RNF125: variants seen among roughly 807,000 people sequenced by gnomAD.
RNF125 encodes ring finger protein 125, also known as E3 ubiquitin-protein ligase RNF125.
RNF125 carries 21 observed loss-of-function variants against 26.0 expected under a neutral mutation model. The ratio of observed to expected loss-of-function variants is 0.81; its 90% CI spans 0.57 to 1.16. The LOEUF (loss-of-function observed/expected upper bound fraction) is 1.16, where lower values mean the gene tolerates loss of function less well. Ranked by LOEUF, RNF125 falls within the 50% of genes most tolerant of loss-of-function variation. The probability of loss-of-function intolerance (pLI) is 0.00; values close to 1 mark genes in which losing one functional copy is unlikely to be tolerated. For missense variants in RNF125, 270 were observed against 299.4 expected, an observed-to-expected ratio of 0.90 and a Z score of 0.72; for synonymous variants, 95 against 109.2, an observed-to-expected ratio of 0.87 and a Z score of 0.81.
intron 4 of RNF125, among the ~76,000 whole-genome samples, chr18:32,048,899 T>C (rs1317869902): frequency 6.6e-6 from 1 of 152,182 alleles, no homozygotes; most frequent in Non-Finnish European, 1.5e-5. Flanking sequence ...TGATAGTGAC[T>C]ACTATCACTG....
the RNF125 span, among the ~76,000 whole-genome samples, chr18:32,086,662 A>G: frequency 6.6e-6 from 1 of 152,056 alleles, no homozygotes; most frequent in Non-Finnish European, 1.5e-5. Flanking sequence ...CTGGGATTAC[A>G]GGCTCCTGCC....
chr18:32,038,037 C>G (rs902397406), intron 2 of RNF125, among the ~76,000 whole-genome samples: 1 of 144,746 alleles, frequency 6.9e-6, no homozygotes, highest in Non-Finnish European at 1.5e-5. Context: ...TCTTTGGGTC[C>G]GTGCCATTTT....
rs955730202 is a variant in RNF125, at chr18:32,073,128, T to G, written c.*4744T>G. The G allele has an allele frequency of 2.6e-5, 4 of 152,252 alleles. No individual in the cohort carries two copies. The highest frequency in any genetic ancestry group is 9.6e-5 in the African/African-American group (4 of 41,470). The allele number at this position is 152,252 out of a possible 1,614,324, so 9.4% of individuals were successfully genotyped here. The stretch of plus-strand genomic sequence containing the variant: ...AGAATTTAAAATGTGTGATTCTTTT[T>G]CTTCTGTAAGTATGTATTGCTATGA... On this transcript the variant is annotated 3_prime_UTR_variant, in exon 6 of 6. Transcript: ENST00000217740.
intron 4 of RNF125, among the ~76,000 whole-genome samples, chr18:32,064,882 C>A (rs1430866074): frequency 6.6e-6 from 1 of 152,108 alleles, no homozygotes; most frequent in Non-Finnish European, 1.5e-5. Context: ...TCCTAAGGAA[C>A]TAATCCCCTA....
Position 32,072,866 on chromosome 18 carries a change from GTTC to G in RNF125, c.*4483_*4485del, listed in dbSNP as rs2039544827. The G allele has an allele frequency of 6.6e-6, 1 of 152,138 alleles. No homozygotes were observed. Among genetic ancestry groups the G allele is most frequent in the Admixed American group, 6.6e-5 (1 of 15,254 alleles). The allele number at this position is 152,138 out of a possible 1,614,324, so 9.4% of individuals were successfully genotyped here. A position where few individuals can be genotyped will look rare whatever the true frequency, so the allele number is the denominator to read the frequency against. On this transcript the variant is annotated 3_prime_UTR_variant, in exon 6 of 6. Transcript: ENST00000217740. ...ATTGTGAATCTACACTAAAGATATG[GTTC>G]CAGGCAGACCTCCTTAGAGACCTCC...
chr18:32,050,735 C>T (rs2039315709), intron 4 of RNF125, among the ~76,000 whole-genome samples: 2 of 151,918 alleles, frequency 1.3e-5, no homozygotes, highest in Admixed American at 6.6e-5. Flanking sequence ...TATGAGACCA[C>T]TTTTTTTCTT....
chr18:32,033,861 G>A lies in RNF125; in HGVS notation c.165-3255G>A, dbSNP rs1193491904. ...AAACAAAAAAGTAGAAGGGAAAGGT[G>A]TTTTCCCCACATCAATCCAGCTTCT... On this transcript the variant is annotated intron_variant, in intron 1 of 5. Transcript: ENST00000217740. Among the ~76,000 whole-genome samples, 5 of 151,488 alleles carry A rather than the reference G, an allele frequency of 3.3e-5. 1 individual carries two copies. Among genetic ancestry groups the A allele is most frequent in the Non-Finnish European group, 7.4e-5 (5 of 67,920 alleles).
At chr18:32,047,241 T>C (rs1401698690) in intron 4 of RNF125, among the ~76,000 whole-genome samples, 2 of 152,214 alleles carry the variant, frequency 1.3e-5, no homozygotes, top group African/African-American at 2.4e-5. Flanking sequence ...GGTTTCACCA[T>C]GTTGGCCAGG....
At chr18:32,020,615 CA>C (rs1255845327) in intron 1 of RNF125, among the ~76,000 whole-genome samples, 2 of 151,218 alleles carry the variant, frequency 1.3e-5, no homozygotes, top group Non-Finnish European at 2.9e-5. Flanking sequence ...CACTTGCAGT[CA>C]AAAGTTTTGA....
intron 4 of RNF125, among the ~76,000 whole-genome samples, chr18:32,065,151 C>G (rs1454958837): frequency 6.6e-6 from 1 of 152,138 alleles, no homozygotes; most frequent in Non-Finnish European, 1.5e-5. Flanking sequence ...TAACATAATA[C>G]TGAGGTATGG....
At chr18:32,022,267 G>A (rs1242336477) in intron 1 of RNF125, among the ~76,000 whole-genome samples, 1 of 152,214 alleles carries the variant, frequency 6.6e-6, no homozygotes, top group African/African-American at 2.4e-5. Flanking sequence ...TACCTTGAAT[G>A]AATATGTAAG....
chr18:32,050,981 G>C (rs151274981), intron 4 of RNF125, among the ~76,000 whole-genome samples: 13,329 of 137,154 alleles, frequency 0.097, 1,977 homozygotes, highest in African/African-American at 0.33. Flanking sequence ...CCTCGGCCCC[G>C]CAAAGTGCTG....
chr18:32,056,092 C>CTT (rs1377453102), intron 4 of RNF125, among the ~76,000 whole-genome samples: 1 of 150,764 alleles, frequency 6.6e-6, no homozygotes, highest in African/African-American at 2.4e-5. Flanking sequence ...ATAAAAGACA[C>CTT]TTTGTTTTTA....
chr18:32,085,311 C>T, the RNF125 span, among the ~76,000 whole-genome samples: 1 of 150,162 alleles, frequency 6.7e-6, no homozygotes, highest in African/African-American at 2.5e-5. Context: ...GGAAGCAGGA[C>T]CAAAGAAAGT....
chr18:32,031,816 G>A (rs1398826271), intron 1 of RNF125, among the ~76,000 whole-genome samples: 1 of 152,092 alleles, frequency 6.6e-6, no homozygotes. Context: ...CTTCCCAACT[G>A]GGGTAGCTGT....
At chr18:32,052,867 A>T (rs926500420) in intron 4 of RNF125, among the ~76,000 whole-genome samples, 13 of 152,342 alleles carry the variant, frequency 8.5e-5, no homozygotes, top group African/African-American at 2.9e-4. Flanking sequence ...TTCACTAAGG[A>T]TCATTGATAT....
At position 32,038,918 on chromosome 18, in the gene RNF125, A is replaced by G. The variant is rs991918752; in HGVS notation, c.318+1649A>G. Among the ~76,000 whole-genome samples the G allele has an allele frequency of 8.6e-5, 13 of 151,640 alleles. No homozygotes were observed. In the East Asian group the frequency reaches 2.6e-3, roughly 30 times the overall value. ...GTAGCTGGGATTACAGGGGCCCAAC[A>G]CCACGCCTGTCTAACTTTTGTATTT... On this transcript the variant is annotated intron_variant, in intron 2 of 5. Transcript: ENST00000217740.
At chr18:32,050,980 C>G (rs375470847) in intron 4 of RNF125, among the ~76,000 whole-genome samples, 4 of 143,420 alleles carry the variant, frequency 2.8e-5, no homozygotes, top group African/African-American at 1.0e-4. Context: ...TCCTCGGCCC[C>G]GCAAAGTGCT....
chr18:32,080,082 G>T, the RNF125 span, among the ~76,000 whole-genome samples: 1 of 152,184 alleles, frequency 6.6e-6, no homozygotes, highest in Admixed American at 6.5e-5. Flanking sequence ...AGGCTGGAGT[G>T]CAGTGGTGCA....
Sources: allele counts gnomAD v4.1 joint callset (sites outside exome capture counted in the v4.1 genomes callset), GRCh38; gene constraint gnomAD v4.1.1; transcripts MANE v1.5; gene names NCBI Gene and HGNC (gene_info 2026-07-23, HGNC 2026-07-21).